RFTN2: variants seen among roughly 807,000 people sequenced by gnomAD.
RFTN2 encodes the protein raftlin-2.
A neutral mutation model predicts 52.7 loss-of-function variants in RFTN2; 34 were observed. The observed-to-expected ratio is 0.64, with a 90% CI of 0.49 to 0.86. RFTN2 has a LOEUF of 0.86. RFTN2 is among the 40% of genes least tolerant of loss of function. The pLI is 0.00. For synonymous variants in RFTN2, 203 were observed against 217.7 expected (o/e 0.93, Z 0.59); for missense variants, 536 against 600.1 (o/e 0.89, Z 1.12).
chr2:197,658,902 T>C (rs776639696), intron 1 of RFTN2, among the ~76,000 whole-genome samples: 1 of 152,196 alleles, frequency 6.6e-6, no homozygotes, highest in African/African-American at 2.4e-5. Context: ...GTGAATGTTA[T>C]TATTAAAATT....
intron 3 of RFTN2, among the ~76,000 whole-genome samples, chr2:197,640,338 C>G (rs1220919746): frequency 1.3e-5 from 2 of 151,986 alleles, no homozygotes; most frequent in South Asian, 4.1e-4. Context: ...CCCAGCCTCA[C>G]TGCCGCCTTG....
At chr2:197,629,193 C>A (rs1288075787) in intron 5 of RFTN2, among the ~76,000 whole-genome samples, 2 of 152,190 alleles carry the variant, frequency 1.3e-5, no homozygotes, top group Non-Finnish European at 2.9e-5. Flanking sequence ...TTGGAACCAA[C>A]CCAAATGTCC....
intron 5 of RFTN2, among the ~76,000 whole-genome samples, chr2:197,619,828 C>T (rs1027722905): frequency 6.7e-6 from 1 of 149,656 alleles, no homozygotes; most frequent in Non-Finnish European, 1.5e-5. Context: ...TCTCCTCCTC[C>T]TCTTGGAAAG....
intron 4 of RFTN2, among the ~76,000 whole-genome samples, chr2:197,631,433 A>G (rs932423749): frequency 2.0e-4 from 30 of 152,208 alleles, no homozygotes; most frequent in African/African-American, 6.8e-4. Context: ...CTCTAATTCT[A>G]TTCTCCAGAA....
At chr2:197,626,617 CTTTTT>C (rs71012985) in intron 5 of RFTN2, among the ~76,000 whole-genome samples, 2 of 90,960 alleles carry the variant, frequency 2.2e-5, no homozygotes, top group African/African-American at 9.1e-5. Context: ...GAATAATCTT[CTTTTT>C]TTTTTTTTTT....
chr2:197,587,719 G>A (rs1021952376), intron 8 of RFTN2, among the ~76,000 whole-genome samples: 2 of 152,148 alleles, frequency 1.3e-5, no homozygotes, highest in Admixed American at 6.5e-5. Flanking sequence ...ACACAGACAC[G>A]TGTGACATGT....
intron 1 of RFTN2, among the ~76,000 whole-genome samples, chr2:197,664,625 A>G (rs2089025367): frequency 6.7e-6 from 1 of 149,484 alleles, no homozygotes; most frequent in Admixed American, 6.7e-5. Context: ...CAAAAATTAC[A>G]AAAAAAAAAT....
rs2106152760 is a variant in RFTN2 at position 197,569,633 on chromosome 2, C to A, written c.*2375G>T. On this transcript the variant is annotated 3_prime_UTR_variant, in exon 9 of 9. Transcript: ENST00000295049. ...AAAATAAACTGAGAAAGTATGCTTA[C>A]ACAAATTTTTTAAAAAAGCGATTGC... 1 of 152,180 alleles carries A rather than the reference C, an allele frequency of 6.6e-6. No individual in the cohort carries two copies. The highest frequency in any genetic ancestry group is 6.5e-5 in the Admixed American group (1 of 15,284). The allele number at this position is 152,180 out of a possible 1,614,324, so 9.4% of individuals were successfully genotyped here. A position where few individuals can be genotyped will look rare whatever the true frequency, so the allele number is the denominator to read the frequency against.
rs2088750559 is a variant in RFTN2, at chr2:197,646,490, T to C, written c.316A>G (p.Lys106Glu). The stretch of plus-strand genomic sequence containing the variant: ...CTTGAATAGTGTGCTTACCTTAATT[T>C]CAAGCGCAATAGCACCACTCTGTAT... ...YLYRVVLLRLKLSPKNSAAPS... is the reference protein window; with the variant it reads ...YLYRVVLLRLELSPKNSAAPS... Residue 106 changes from lysine (K) to glutamate (E), a missense_variant, in exon 2 of 9, where the codon AAA becomes GAA. Physicochemically the swap from Lys to Glu is moderately conservative, Grantham distance 56 (BLOSUM62 1). Transcript: ENST00000295049. 1 of 1,613,044 alleles carries C rather than the reference T, an allele frequency of 6.2e-7. No individual in the cohort carries two copies. Among genetic ancestry groups the C allele is most frequent in the Non-Finnish European group, 8.5e-7 (1 of 1,179,548 alleles).
chr2:197,631,263 G>T lies in RFTN2; in HGVS notation c.719-43C>A, dbSNP rs755791959. 1.0e-5 allele frequency: 14 copies of T among 1,403,476 alleles called. 1 individual carries two copies. The South Asian group carries it at 1.6e-4, about 16-fold the overall frequency. The allele number at this position is 1,403,476 out of a possible 1,614,324, so 86.9% of individuals were successfully genotyped here. ...GAAAAAAGGGGAAAATTATAATTTT[G>T]TTGATCAAAGATTCTTAATTTTTTC... On this transcript the variant is annotated intron_variant, in intron 4 of 8. Coordinates refer to ENST00000295049, the MANE Select transcript of RFTN2 (RefSeq NM_144629.3).
At chr2:197,611,308 C>T (rs1244200148) in intron 7 of RFTN2, among the ~76,000 whole-genome samples, 1 of 152,202 alleles carries the variant, frequency 6.6e-6, no homozygotes. Flanking sequence ...GTGGTCTAGT[C>T]AGAGATTCAA....
intron 1 of RFTN2, among the ~76,000 whole-genome samples, chr2:197,652,106 G>A (rs576403555): frequency 7.9e-5 from 12 of 152,258 alleles, no homozygotes; most frequent in South Asian, 2.1e-4. Flanking sequence ...ACTGTAGGCC[G>A]GGTGGTAATT....
Position 197,619,022 on chromosome 2 carries a change from C to A in RFTN2, c.929-1101G>T, listed in dbSNP as rs924394417. ...GGGAGGGAGGTGGGGGGGTCAGCCC[C>A]CTGCCCGGCCAGCCGCCCTGTCCGG... is the stretch of plus-strand genomic sequence containing the variant. On this transcript the variant is annotated intron_variant, in intron 5 of 8. Coordinates refer to ENST00000295049, the MANE Select transcript of RFTN2 (RefSeq NM_144629.3). Among the ~76,000 whole-genome samples the A allele has an allele frequency of 8.7e-4, 132 of 151,404 alleles. 1 individual carries two copies. The highest frequency in any genetic ancestry group is 3.0e-3 in the African/African-American group (124 of 41,284).
intron 1 of RFTN2, among the ~76,000 whole-genome samples, chr2:197,673,652 ACTC>A (rs1047722587): frequency 6.6e-6 from 1 of 152,018 alleles, no homozygotes; most frequent in African/African-American, 2.4e-5. Context: ...TAGAAATTAT[ACTC>A]CTTTCACAGA....
At chr2:197,619,546 A>T (rs1431768455) in intron 5 of RFTN2, among the ~76,000 whole-genome samples, 3 of 148,490 alleles carry the variant, frequency 2.0e-5, no homozygotes, top group African/African-American at 7.4e-5. Context: ...TGAAGGCAGC[A>T]TGCTCCTTAA....
intron 4 of RFTN2, among the ~76,000 whole-genome samples, chr2:197,631,921 C>G: frequency 6.6e-6 from 1 of 152,154 alleles, no homozygotes; most frequent in East Asian, 1.9e-4. Flanking sequence ...CCATGGATTT[C>G]ACCAGATACT....
chr2:197,672,229 T>G (rs2089156609), intron 1 of RFTN2, among the ~76,000 whole-genome samples: 1 of 152,196 alleles, frequency 6.6e-6, no homozygotes, highest in African/African-American at 2.4e-5. Context: ...GATGAAACTT[T>G]AAATTTCTTG....
chr2:197,668,270 A>AG (rs1553605692), intron 1 of RFTN2, among the ~76,000 whole-genome samples: 1 of 151,980 alleles, frequency 6.6e-6, no homozygotes, highest in Non-Finnish European at 1.5e-5. Flanking sequence ...GCTAGGCTAG[A>AG]GGGGCTGTCC....
intron 7 of RFTN2, among the ~76,000 whole-genome samples, chr2:197,610,538 T>C (rs1307514233): frequency 6.6e-6 from 1 of 152,236 alleles, no homozygotes; most frequent in Non-Finnish European, 1.5e-5. Flanking sequence ...TTTCTAAATA[T>C]ACAATCATGT....
Sources: gnomAD v4.1 joint callset for allele counts (sites outside exome capture counted in the v4.1 genomes callset) on GRCh38, gnomAD v4.1.1 for gene constraint, MANE v1.5 for transcripts, NCBI Gene and HGNC (gene_info 2026-07-23, HGNC 2026-07-21) for gene names.